The following SFRP1 variants were observed in gnomAD, a reference collection of about 807,000 sequenced individuals.
SFRP1 encodes secreted frizzled related protein 1.
A neutral mutation model predicts 25.9 loss-of-function variants in SFRP1; 9 were observed. The ratio of observed to expected loss-of-function variants is 0.35; its 90% CI spans 0.21 to 0.61. The LOEUF (loss-of-function observed/expected upper bound fraction) is 0.61, where lower values mean the gene tolerates loss of function less well. Among genes scored for constraint, SFRP1 ranks in the 20% least tolerant of loss-of-function variants. The probability of loss-of-function intolerance (pLI) is 0.78; values close to 1 mark genes in which losing one functional copy is unlikely to be tolerated. For missense variants in SFRP1, 346 were observed against 418.2 expected (o/e 0.83, Z 1.51); for synonymous variants, 178 against 174.0 (o/e 1.02, Z -0.18).
chr8:41,297,993 G>A (rs1010400702), intron 2 of SFRP1, among the ~76,000 whole-genome samples: 2 of 152,200 alleles, frequency 1.3e-5, no homozygotes, highest in South Asian at 4.1e-4. Flanking sequence ...GGAAGTGCTG[G>A]TGGGCAGTAA....
At position 41,290,886 on chromosome 8, in the gene SFRP1, C is replaced by CTTTTTTTTTTTTTTTTTTTTTTTTTTT. The variant is rs561965318; in HGVS notation, c.622+12548_622+12574dup. On this transcript the variant is annotated intron_variant, in intron 2 of 2. Transcript: ENST00000220772. ...GTCTTCTTCTCCTCCTCTTCCTCGT[C>CTTTTTTTTTTTTTTTTTTTTTTTTTTT]TTTTTTTTTTTTTTTTTTTTTTTTT... Among the ~76,000 whole-genome samples, 10 of 53,892 alleles carry CTTTTTTTTTTTTTTTTTTTTTTTTTTT rather than the reference C, an allele frequency of 1.9e-4. 3 individuals carry two copies. Among genetic ancestry groups the CTTTTTTTTTTTTTTTTTTTTTTTTTTT allele is most frequent in the Non-Finnish European group, 3.3e-4 (8 of 24,598 alleles). 35.4% of individuals were successfully genotyped at this position (53,892 alleles called of 152,430 possible). A position where few individuals can be genotyped will look rare whatever the true frequency, so the allele number is the denominator to read the frequency against.
intron 2 of SFRP1, among the ~76,000 whole-genome samples, chr8:41,290,231 T>C (rs1803758698): frequency 6.6e-6 from 1 of 152,182 alleles, no homozygotes; most frequent in South Asian, 2.1e-4. Flanking sequence ...CTCGCAGATA[T>C]AACCCCACGT....
chr8:41,307,589 A>G (rs1249066759), intron 1 of SFRP1, among the ~76,000 whole-genome samples: 4 of 152,156 alleles, frequency 2.6e-5, no homozygotes, highest in East Asian at 3.8e-4. Context: ...CAGCTCCCCA[A>G]TCCCTGACCC....
chr8:41,265,321 A>T lies in SFRP1; in HGVS notation c.791T>A (p.Leu264His). The T allele has an allele frequency of 6.2e-7, 1 of 1,614,136 alleles. No individual in the cohort carries two copies. Among genetic ancestry groups the T allele is most frequent in the Non-Finnish European group, 8.5e-7 (1 of 1,180,038 alleles). ...GCCCATGATGAGGAAGTGGTGGCTG[A>T]GGTTGTCCAGCTGGTGGCAGGGACA... Reference protein sequence around the residue: ...ADCPCHQLDNLSHHFLIMGRK... With the variant: ...ADCPCHQLDNHSHHFLIMGRK... The change falls in exon 3 of 3, where the codon CTC becomes CAC. Residue 264 changes from leucine (L) to histidine (H), a missense_variant. By Grantham distance (99) the Leu-to-His change is moderately conservative. Transcript: ENST00000220772.
At chr8:41,294,438 GAAAAC>G (rs1563365184) in intron 2 of SFRP1, among the ~76,000 whole-genome samples, 1 of 152,170 alleles carries the variant, frequency 6.6e-6, no homozygotes, top group Non-Finnish European at 1.5e-5. Context: ...AAGGGCTAGA[GAAAAC>G]AAGAGAGAGA....
At chr8:41,278,447 G>A (rs1228991407) in intron 2 of SFRP1, among the ~76,000 whole-genome samples, 2 of 152,172 alleles carry the variant, frequency 1.3e-5, no homozygotes, top group East Asian at 3.8e-4. Flanking sequence ...TTTGCAAAAC[G>A]AATGTGTTCA....
rs370226298 is a variant in SFRP1, at chr8:41,295,370, G to GA, written c.622+8090dup. ...AGGGAGACTCCGTCTCAAAAAAAAA[G>GA]AAAAAAAAATTAGCCGAGCATGGTG... On this transcript the variant is annotated intron_variant, in intron 2 of 2. Transcript: ENST00000220772. 1.7e-3 allele frequency among the ~76,000 whole-genome samples: 257 copies of GA among 149,702 alleles called. 1 individual carries two copies. The highest frequency in any genetic ancestry group is 6.1e-3 in the African/African-American group (248 of 40,750).
At chr8:41,265,531 G>A (rs946139302) in intron 2 of SFRP1, 42 bp from the exon 3 acceptor site, 1 of 1,451,210 alleles carries the variant, frequency 6.9e-7, no homozygotes, top group African/African-American at 1.4e-5. Context: ...GAGGGTAAGA[G>A]AAAGCATTTA....
At chr8:41,277,141 G>A (rs1482455486) in intron 2 of SFRP1, 2 of 422,716 alleles carry the variant, frequency 4.7e-6, no homozygotes, top group East Asian at 1.4e-4. Flanking sequence ...AAGGGCTTGG[G>A]CCTCAGAGTG....
chr8:41,276,101 G>A (rs1018844153), intron 2 of SFRP1, among the ~76,000 whole-genome samples: 2 of 152,026 alleles, frequency 1.3e-5, no homozygotes, highest in South Asian at 2.1e-4. Flanking sequence ...GCCCACAGAC[G>A]GGCACCCCAA....
intron 2 of SFRP1, among the ~76,000 whole-genome samples, chr8:41,302,756 G>A (rs9694405): frequency 0.48 from 73,270 of 151,822 alleles, 17,850 homozygotes; most frequent in Non-Finnish European, 0.51. Context: ...ACCATCCCTG[G>A]AAGGCCCCAA....
chr8:41,280,589 T>C (rs1803623363), intron 2 of SFRP1, among the ~76,000 whole-genome samples: 1 of 152,172 alleles, frequency 6.6e-6, no homozygotes, highest in South Asian at 2.1e-4. Context: ...TTCTGAGAGC[T>C]GAAGGGAGCA....
chr8:41,278,656 C>T (rs1436997540), intron 2 of SFRP1, among the ~76,000 whole-genome samples: 1 of 152,212 alleles, frequency 6.6e-6, no homozygotes, highest in Non-Finnish European at 1.5e-5. Context: ...TGCCCGAGGC[C>T]AGCCCTGCAG....
chr8:41,278,218 AG>A (rs1209091360), intron 2 of SFRP1, among the ~76,000 whole-genome samples: 3 of 152,158 alleles, frequency 2.0e-5, no homozygotes, highest in African/African-American at 7.2e-5. Context: ...AGAATTGCTG[AG>A]GTCTCTTCCA....
rs561965318 is a variant in SFRP1, at chr8:41,290,886, CTTTTTTTTTTTTTTTTTTTTTTTTTTT to C, written c.622+12548_622+12574del. Reference sequence around the variant, plus strand: ...GTCTTCTTCTCCTCCTCTTCCTCGTCTTTTTTTTTTTTTTTTTTTTTTTTTTTTTTTTTTTTTTGAGATGGAGTCTTG... The same window carrying C: ...GTCTTCTTCTCCTCCTCTTCCTCGTCTTTTTTTTTTTGAGATGGAGTCTTG... On this transcript the variant is annotated intron_variant, in intron 2 of 2. Coordinates refer to ENST00000220772, the MANE Select transcript of SFRP1 (RefSeq NM_003012.5). Among the ~76,000 whole-genome samples the C allele has an allele frequency of 5.7e-3, 305 of 53,906 alleles. 7 individuals are homozygous for C. Among genetic ancestry groups the C allele is most frequent in the Non-Finnish European group, 8.4e-3 (207 of 24,604 alleles). The allele number at this position is 53,906 out of a possible 152,430, so 35.4% of individuals were successfully genotyped here. A position where few individuals can be genotyped will look rare whatever the true frequency, so the allele number is the denominator to read the frequency against.
At chr8:41,305,395 T>C (rs1261598060) in intron 1 of SFRP1, among the ~76,000 whole-genome samples, 1 of 152,214 alleles carries the variant, frequency 6.6e-6, no homozygotes, top group East Asian at 1.9e-4. Flanking sequence ...CAATTACATT[T>C]GGACTTCAGT....
At chr8:41,301,945 A>T (rs540763934) in intron 2 of SFRP1, among the ~76,000 whole-genome samples, 84 of 152,212 alleles carry the variant, frequency 5.5e-4, no homozygotes, top group Non-Finnish European at 1.0e-3. Context: ...CCCCTGCCCT[A>T]CACCTTAAGG....
chr8:41,277,497 G>A (rs958705912), intron 2 of SFRP1, among the ~76,000 whole-genome samples: 1 of 152,218 alleles, frequency 6.6e-6, no homozygotes, highest in Non-Finnish European at 1.5e-5. Flanking sequence ...CCCTCGCTCT[G>A]AGAGATGCTA....
At chr8:41,299,843 G>C (rs1190081584) in intron 2 of SFRP1, among the ~76,000 whole-genome samples, 1 of 151,962 alleles carries the variant, frequency 6.6e-6, no homozygotes, top group Non-Finnish European at 1.5e-5. Context: ...GCACATTTCT[G>C]CAAGAAGTAT....
Sources: gnomAD v4.1 joint callset for allele counts (sites outside exome capture counted in the v4.1 genomes callset) on GRCh38, gnomAD v4.1.1 for gene constraint, MANE v1.5 for transcripts, NCBI Gene and HGNC (gene_info 2026-07-23, HGNC 2026-07-21) for gene names.